Variants in ARPP21 observed in about 807,000 individuals in gnomAD.
ARPP21 encodes the protein cAMP regulated phosphoprotein 21.
Under a neutral mutation model 113.2 loss-of-function variants are expected in ARPP21, and 69 were observed. The observed-to-expected ratio is 0.61, with a 90% confidence interval of 0.50 to 0.74. The LOEUF is 0.74. ARPP21 is among the 30% of genes least tolerant of loss of function. The pLI is 0.00. For synonymous variants in ARPP21, 368 were observed against 375.5 expected (o/e 0.98, Z 0.23); for missense variants, 1,070 against 1,037.4 (o/e 1.03, Z -0.43).
chr3:35,745,264 G>A (rs2094952811), intron 19 of ARPP21, among the ~76,000 whole-genome samples: 1 of 152,092 alleles, frequency 6.6e-6, no homozygotes, highest in Non-Finnish European at 1.5e-5. Flanking sequence ...TATCATTTTG[G>A]TGGTAACGGT....
chr3:35,723,780 G>C (rs2093319667), intron 14 of ARPP21, among the ~76,000 whole-genome samples: 1 of 152,178 alleles, frequency 6.6e-6, no homozygotes, highest in African/African-American at 2.4e-5. Context: ...AGAATGATTA[G>C]AGATTGTAAG....
chr3:35,774,394 G>T (rs181175670), intron 19 of ARPP21, among the ~76,000 whole-genome samples: 26 of 152,286 alleles, frequency 1.7e-4, no homozygotes, highest in African/African-American at 5.8e-4. Flanking sequence ...GCTGTGGGTT[G>T]TCCCTCTTGG....
intron 9 of ARPP21, among the ~76,000 whole-genome samples, chr3:35,693,182 T>C (rs1350183826): frequency 1.3e-5 from 2 of 151,678 alleles, no homozygotes; most frequent in African/African-American, 4.8e-5. Flanking sequence ...GCTCAGTCTC[T>C]GGCTAACTCC....
intron 10 of ARPP21, 127 bp downstream of exon 10, chr3:35,707,209 T>G: frequency 1.4e-6 from 1 of 702,768 alleles, no homozygotes; most frequent in South Asian, 1.7e-5. Context: ...ACCACTGTCC[T>G]ATCTCCAACC....
rs761780869 is a variant in ARPP21 at position 35,717,393 on chromosome 3, T to C, written c.995+36T>C. On this transcript the variant is annotated intron_variant, in intron 13 of 20. Coordinates refer to ENST00000684406, the MANE Select transcript of ARPP21 (RefSeq NM_001385562.1). ...TTTACTTTCTTAAACTGTGTTTTTT[T>C]CAAATTATGTGGTAGAATCAATGTT... The C allele has an allele frequency of 2.0e-5, 25 of 1,259,352 alleles. No individual in the cohort carries two copies. In the African/African-American group the frequency reaches 2.5e-4, roughly 13 times the overall value. 78.0% of individuals were successfully genotyped at this position (1,259,352 alleles called of 1,614,324 possible). A position where few individuals can be genotyped will look rare whatever the true frequency, so the allele number is the denominator to read the frequency against.
At position 35,639,657 on chromosome 3, in the gene ARPP21, CAA is replaced by C. The variant is rs766536408; in HGVS notation, c.-952_-951del. 2.6e-5 allele frequency: 4 copies of C among 153,226 alleles called. No individual in the cohort carries two copies. In the East Asian group the frequency reaches 7.7e-4, roughly 30 times the overall value. 9.5% of individuals were successfully genotyped at this position (153,226 alleles called of 1,614,324 possible). On this transcript the variant is annotated 5_prime_UTR_variant, in exon 1 of 21. Transcript: ENST00000684406. This position sits in a 1 kb window ranked among gnomAD's most constrained non-coding sequence, Gnocchi z 5.0. ...AGCCTGAGAGAGGGAGACCAGAACG[CAA>C]AGAGAGCGAGAGCATTAAGTAGGCA...
At chr3:35,742,170 A>G (rs985954290) in intron 18 of ARPP21, among the ~76,000 whole-genome samples, 2 of 152,232 alleles carry the variant, frequency 1.3e-5, no homozygotes, top group Non-Finnish European at 2.9e-5. Context: ...AAGGGAGATC[A>G]AGGAATAGAT....
intron 19 of ARPP21, among the ~76,000 whole-genome samples, chr3:35,786,111 A>G (rs937442933): frequency 6.6e-6 from 1 of 152,226 alleles, no homozygotes; most frequent in Non-Finnish European, 1.5e-5. Flanking sequence ...TACTTCATAT[A>G]TAAGAACAGA....
chr3:35,648,194 C>T (rs1700989778), intron 1 of ARPP21, among the ~76,000 whole-genome samples: 1 of 152,102 alleles, frequency 6.6e-6, no homozygotes, highest in African/African-American at 2.4e-5. Flanking sequence ...GAACATGATG[C>T]TTAACAAGGC....
chr3:35,776,494 A>G (rs908537647), intron 19 of ARPP21, among the ~76,000 whole-genome samples: 7 of 152,134 alleles, frequency 4.6e-5, no homozygotes, highest in Admixed American at 3.3e-4. Context: ...TCCACTTAAT[A>G]AGTCACCAGA....
chr3:35,771,147 A>G (rs956120550), intron 19 of ARPP21, among the ~76,000 whole-genome samples: 3 of 152,132 alleles, frequency 2.0e-5, no homozygotes, highest in African/African-American at 7.2e-5. Flanking sequence ...ATCTCTCCCT[A>G]GGACCTACAG....
At chr3:35,742,471 G>A (rs2094729200) in intron 18 of ARPP21, among the ~76,000 whole-genome samples, 1 of 152,116 alleles carries the variant, frequency 6.6e-6, no homozygotes, top group African/African-American at 2.4e-5. Context: ...TATAAGCAAG[G>A]TATACAATGA....
At chr3:35,716,989 TA>T (rs937779448) in intron 12 of ARPP21, among the ~76,000 whole-genome samples, 9 of 152,146 alleles carry the variant, frequency 5.9e-5, no homozygotes, top group Admixed American at 3.3e-4. Flanking sequence ...TATATTACTC[TA>T]AAAAATCACT....
intron 1 of ARPP21, among the ~76,000 whole-genome samples, chr3:35,658,614 C>A (rs147334511): frequency 1.3e-5 from 2 of 152,148 alleles, no homozygotes; most frequent in East Asian, 3.9e-4. Context: ...TGATGACATA[C>A]CCATAAGCCT....
intron 1 of ARPP21, among the ~76,000 whole-genome samples, chr3:35,667,969 GAAGAAGAAGAA>G (rs2075133601): frequency 1.7e-5 from 2 of 118,586 alleles, no homozygotes; most frequent in Admixed American, 8.3e-5. Context: ...AGAAGAAGAA[GAAGAAGAAGAA>G]GAAGAAGAAG....
chr3:35,743,953 G>A lies in ARPP21; in HGVS notation c.2125G>A (p.Ala709Thr), dbSNP rs1208662470. 1 of 1,614,112 alleles carries A rather than the reference G, an allele frequency of 6.2e-7. No homozygotes were observed. The highest frequency in any genetic ancestry group is 8.5e-7 in the Non-Finnish European group (1 of 1,179,982). The change falls in exon 19 of 21, where the codon GCA (alanine) becomes ACA (threonine). Residue 709 changes from alanine to threonine, a missense_variant. Ala to Thr is a moderately conservative substitution (Grantham distance 58). Transcript: ENST00000684406. Reference protein sequence around the residue: ...AQRSQQMPQAAQQAGYQPVLS... With the variant: ...AQRSQQMPQATQQAGYQPVLS... ...GAGGAGTCAACAGATGCCACAGGCAGCACAGCAAGCAGGTACTTGGAATCT... is the reference window on the plus strand; with the variant it reads ...GAGGAGTCAACAGATGCCACAGGCAACACAGCAAGCAGGTACTTGGAATCT...
intron 1 of ARPP21, among the ~76,000 whole-genome samples, chr3:35,649,010 C>T (rs1039602125): frequency 2.0e-5 from 3 of 152,182 alleles, no homozygotes; most frequent in Non-Finnish European, 2.9e-5. Context: ...ACGCACAAGT[C>T]ATTTAACTAA....
chr3:35,657,375 T>C (rs1705491001), intron 1 of ARPP21, among the ~76,000 whole-genome samples: 1 of 152,100 alleles, frequency 6.6e-6, no homozygotes, highest in Non-Finnish European at 1.5e-5. Flanking sequence ...GAAGATCAGG[T>C]CTCCAGAAGA....
At chr3:35,762,204 CAA>C (rs1456098494) in intron 19 of ARPP21, among the ~76,000 whole-genome samples, 4 of 150,736 alleles carry the variant, frequency 2.7e-5, no homozygotes, top group Non-Finnish European at 4.4e-5. Context: ...TTTATTTTGT[CAA>C]GAGTCAATTG....
Sources: gnomAD v4.1 joint callset for allele counts (sites outside exome capture counted in the v4.1 genomes callset) on GRCh38, gnomAD v4.1.1 for gene constraint, Gnocchi (gnomAD v3.1) non-coding constraint, MANE v1.5 for transcripts, NCBI Gene and HGNC (gene_info 2026-07-23, HGNC 2026-07-21) for gene names.